The following DNAH5 variants were observed in gnomAD, a reference collection of about 807,000 sequenced individuals.
DNAH5 encodes axonemal beta dynein heavy chain 5.
Under a neutral mutation model 518.2 loss-of-function variants are expected in DNAH5, and 372 were observed. The ratio of observed to expected loss-of-function variants is 0.72; its 90% CI spans 0.66 to 0.78. DNAH5 has a LOEUF of 0.78. Ranked by LOEUF, DNAH5 falls within the 30% of genes least tolerant of loss-of-function variation. The pLI is 0.00. For synonymous variants in DNAH5, 2,039 were observed against 2,025.9 expected, an observed-to-expected ratio of 1.01 and a Z score of -0.17; for missense variants, 5,523 against 5,687.0, an observed-to-expected ratio of 0.97 and a Z score of 0.93.
intron 1 of DNAH5, among the ~76,000 whole-genome samples, chr5:13,965,210 A>T (rs1219951210): frequency 6.6e-6 from 1 of 152,128 alleles, no homozygotes; most frequent in African/African-American, 2.4e-5. Flanking sequence ...CATTAATAAT[A>T]TTTTAAAACC....
At chr5:13,871,115 C>T in intron 23 of DNAH5, 113 bp from the exon 24 acceptor site, 1 of 746,678 alleles carries the variant, frequency 1.3e-6, no homozygotes, top group Non-Finnish European at 2.2e-6. Context: ...GCCCTCTAAC[C>T]CACAAAAAAT....
intron 21 of DNAH5, among the ~76,000 whole-genome samples, chr5:13,881,221 C>T (rs2151936006): frequency 6.6e-6 from 1 of 152,050 alleles, no homozygotes; most frequent in Middle Eastern, 3.4e-3. Context: ...TAGTACCCTA[C>T]TTTCATCACT....
At position 13,891,088 on chromosome 5, in the gene DNAH5, T is replaced by C. The variant is rs1183150481; in HGVS notation, c.2465A>G (p.Asp822Gly). The C allele has an allele frequency of 6.2e-7, 1 of 1,614,070 alleles. No individual in the cohort carries two copies. The highest frequency in any genetic ancestry group is 8.5e-7 in the Non-Finnish European group (1 of 1,180,006). The change falls in exon 17 of 79, where the codon GAT becomes GGT. Residue 822 changes from aspartate to glycine, a missense_variant. Physicochemically the swap from Asp to Gly is moderately conservative, Grantham distance 94. This residue lies in a region of DNAH5 where 5,121 missense variants were observed against 5,223.3 expected (regional missense o/e 0.98). Coordinates refer to ENST00000265104, the MANE Select transcript of DNAH5 (RefSeq NM_001369.3). Reference protein sequence around the residue: ...DLELLLDRVNDLIEFRIDAIL... With the variant: ...DLELLLDRVNGLIEFRIDAIL... ...GGCATCAATGCGGAACTCAATCAAA[T>C]CATTGACCCTGTCAAGCAGCAACTC...
At position 13,850,713 on chromosome 5, in the gene DNAH5, G is replaced by A. The variant is rs954578482; in HGVS notation, c.5053C>T (p.Leu1685=). 6.2e-7 allele frequency: 1 copy of A among 1,614,066 alleles called. No homozygotes were observed. The highest frequency in any genetic ancestry group is 8.5e-7 in the Non-Finnish European group (1 of 1,179,970). The change falls in exon 31 of 79, where the codon CTG becomes TTG. Residue 1685 remains leucine (L), a synonymous_variant. Transcript: ENST00000265104. The part of the protein sequence containing the change: ...VVQCCVGDET[L]GQLLPHLLDQ... ...AGCAAGTGTGGTAACAGCTGCCCCA[G>A]GGTCTCATCTCCAACACAGCACTGG...
At chr5:13,729,394 C>T (rs1385419868) in intron 69 of DNAH5, 45 bp downstream of exon 69, 1 of 1,612,242 alleles carries the variant, frequency 6.2e-7, no homozygotes, top group Middle Eastern at 1.7e-4. Context: ...AATCAGAAAG[C>T]TGCTCAACAT....
At position 13,942,647 on chromosome 5, in the gene DNAH5, G is replaced by A. The variant is rs1010529973; in HGVS notation, c.57+1735C>T. ...TTCCTCATCCTCCACCATCCCCCAC[G>A]TGCTGTCTCATCCCCCTGGCCTTTC... On this transcript the variant is annotated intron_variant, in intron 1 of 78. Coordinates refer to ENST00000265104, the MANE Select transcript of DNAH5 (RefSeq NM_001369.3). Among the ~76,000 whole-genome samples the A allele has an allele frequency of 3.9e-5, 6 of 151,932 alleles. No individual in the cohort carries two copies. In the South Asian group the frequency reaches 6.2e-4, roughly 16 times the overall value.
chr5:13,954,908 C>T (rs1780657242), intron 1 of DNAH5, among the ~76,000 whole-genome samples: 1 of 152,196 alleles, frequency 6.6e-6, no homozygotes, highest in South Asian at 2.1e-4. Flanking sequence ...TCATCTCAGC[C>T]AGTTCTCACA....
chr5:13,812,570 C>T (rs547435065), intron 43 of DNAH5, among the ~76,000 whole-genome samples: 3 of 152,068 alleles, frequency 2.0e-5, no homozygotes, highest in Non-Finnish European at 2.9e-5. Context: ...CCTCCCAAAG[C>T]GCTGGGATTA....
intron 65 of DNAH5, among the ~76,000 whole-genome samples, chr5:13,749,053 A>C (rs1749831845): frequency 6.6e-6 from 1 of 152,038 alleles, no homozygotes; most frequent in Non-Finnish European, 1.5e-5. Context: ...AGATTCAGGA[A>C]TATGCTGGGA....
intron 12 of DNAH5, 95 bp downstream of exon 12, chr5:13,911,291 C>T (rs1775959634): frequency 2.1e-6 from 2 of 934,906 alleles, no homozygotes; most frequent in African/African-American, 1.6e-5. Flanking sequence ...GATGAAGATA[C>T]CTCTGCCTTC....
At chr5:13,758,445 T>C (rs1189907334) in intron 61 of DNAH5, among the ~76,000 whole-genome samples, 1 of 152,156 alleles carries the variant, frequency 6.6e-6, no homozygotes, top group Non-Finnish European at 1.5e-5. Flanking sequence ...CAGTGAGCCA[T>C]GATCATGCCA....
chr5:13,838,060 G>A (rs1206689040), intron 35 of DNAH5, among the ~76,000 whole-genome samples: 1 of 151,964 alleles, frequency 6.6e-6, no homozygotes, highest in African/African-American at 2.4e-5. Context: ...TATTATTGTG[G>A]GGCACAATGT....
At chr5:13,752,385 G>A (rs1435525207) in intron 63 of DNAH5, 96 bp from the exon 64 acceptor site, 1 of 1,379,276 alleles carries the variant, frequency 7.3e-7, no homozygotes, top group Non-Finnish European at 1.0e-6. Context: ...GCATTCTACT[G>A]CAAGAGACAA....
At chr5:13,956,161 C>A (rs1287147541) in intron 1 of DNAH5, among the ~76,000 whole-genome samples, 1 of 152,184 alleles carries the variant, frequency 6.6e-6, no homozygotes, top group Non-Finnish European at 1.5e-5. Context: ...TCCTCTATAG[C>A]ATTCTTCCCG....
intron 40 of DNAH5, among the ~76,000 whole-genome samples, chr5:13,821,449 A>G (rs1168872262): frequency 1.3e-5 from 2 of 152,216 alleles, no homozygotes; most frequent in Non-Finnish European, 1.5e-5. Context: ...TTATAATAAC[A>G]TGATGGAAAT....
intron 78 of DNAH5, among the ~76,000 whole-genome samples, chr5:13,698,701 T>C (rs1579797333): frequency 6.6e-6 from 1 of 152,106 alleles, no homozygotes; most frequent in Admixed American, 6.5e-5. Context: ...TAGGAAAAAG[T>C]ACCCCCCAAA....
Position 13,690,701 on chromosome 5 carries a change from T to A in DNAH5, c.*1283A>T. ...ATTCTAATTTAGTACTGACTATATT[T>A]TCTAGTCAGTAGGTTAGATGAAGAA... On this transcript the variant is annotated 3_prime_UTR_variant, in exon 79 of 79. Coordinates refer to ENST00000265104, the MANE Select transcript of DNAH5 (RefSeq NM_001369.3). 6.6e-6 allele frequency: 1 copy of A among 152,218 alleles called. No individual in the cohort carries two copies. The allele number at this position is 152,218 out of a possible 1,614,324, so 9.4% of individuals were successfully genotyped here.
chr5:13,828,977 A>G (rs1445814), intron 38 of DNAH5, among the ~76,000 whole-genome samples: 60,607 of 152,112 alleles, frequency 0.4, 12,291 homozygotes, highest in East Asian at 0.61. Context: ...TTAGATGACT[A>G]TTATGCAGCA....
chr5:13,851,574 T>G (rs562633757), intron 30 of DNAH5, among the ~76,000 whole-genome samples: 1 of 152,262 alleles, frequency 6.6e-6, no homozygotes, highest in African/African-American at 2.4e-5. Context: ...CCTCCCAAAG[T>G]GCTGGGATTA....
Sources: gnomAD v4.1 joint callset for allele counts (sites outside exome capture counted in the v4.1 genomes callset) on GRCh38, gnomAD v4.1.1 for gene constraint, gnomAD v4.1.1 regional missense constraint, MANE v1.5 for transcripts, NCBI Gene and HGNC (gene_info 2026-07-23, HGNC 2026-07-21) for gene names.